The following C16orf78 variants were observed in gnomAD, a reference collection of about 807,000 sequenced individuals.
C16orf78 encodes the protein chromosome 16 open reading frame 78, also known as uncharacterized protein C16orf78.
Under a neutral mutation model 27.3 loss-of-function variants are expected in C16orf78, and 19 were observed. That is an observed-to-expected ratio of 0.70 (90% CI 0.49 to 1.02). The LOEUF is 1.02. Among genes scored for constraint, C16orf78 ranks in the 50% least tolerant of loss-of-function variants. C16orf78 has a pLI of 0.00. For synonymous variants in C16orf78, 130 were observed against 116.1 expected (o/e 1.12, Z -0.77); for missense variants, 339 against 337.0 (o/e 1.01, Z -0.05).
intron 1 of C16orf78, among the ~76,000 whole-genome samples, chr16:49,375,996 G>A (rs1215754396): frequency 2.0e-5 from 3 of 152,198 alleles, no homozygotes; most frequent in Admixed American, 6.5e-5. Context: ...GAGGGAGCAA[G>A]TTTACATGGG....
chr16:49,392,940 G>T (rs1303885649), intron 3 of C16orf78, among the ~76,000 whole-genome samples: 1 of 152,200 alleles, frequency 6.6e-6, no homozygotes, highest in Non-Finnish European at 1.5e-5. Flanking sequence ...CTGTCCTCAT[G>T]ATAGTGAATA....
chr16:49,380,998 GT>G (rs1319302752), intron 3 of C16orf78, among the ~76,000 whole-genome samples: 1 of 150,468 alleles, frequency 6.6e-6, no homozygotes, highest in Admixed American at 6.6e-5. Flanking sequence ...CTATATCTCT[GT>G]TTTGGTACCA....
In C16orf78 at chr16:49,390,340, C is replaced by T. The variant is rs185246704; in HGVS notation, c.395-6083C>T. Among the ~76,000 whole-genome samples, 104 of 152,312 alleles carry T rather than the reference C, an allele frequency of 6.8e-4. 2 individuals are homozygous for T. Among genetic ancestry groups the T allele is most frequent in the African/African-American group, 2.4e-3 (99 of 41,580 alleles). ...TTATTTCATTTCTCCATTCTCTCCCCTCTCTTTCAGGCACCCTGATTACAC... is the reference window on the plus strand; with the variant it reads ...TTATTTCATTTCTCCATTCTCTCCCTTCTCTTTCAGGCACCCTGATTACAC... On this transcript the variant is annotated intron_variant, in intron 3 of 4. Coordinates refer to ENST00000299191, the MANE Select transcript of C16orf78 (RefSeq NM_144602.4).
chr16:49,386,137 T>G (rs1055373114), intron 3 of C16orf78, among the ~76,000 whole-genome samples: 1 of 152,184 alleles, frequency 6.6e-6, no homozygotes, highest in Non-Finnish European at 1.5e-5. Context: ...AACAAGGGAT[T>G]GATTCATCAA....
chr16:49,384,843 G>A (rs1439495923), intron 3 of C16orf78, among the ~76,000 whole-genome samples: 1 of 152,178 alleles, frequency 6.6e-6, no homozygotes, highest in Non-Finnish European at 1.5e-5. Context: ...AAGACTATGA[G>A]TAGACTTCTC....
chr16:49,398,030 T>A (rs1965495354), intron 4 of C16orf78, among the ~76,000 whole-genome samples: 2 of 152,222 alleles, frequency 1.3e-5, no homozygotes, highest in African/African-American at 4.8e-5. Context: ...CCTCCCAAAG[T>A]GCTGGATTAC....
chr16:49,383,443 A>G (rs565187900), intron 3 of C16orf78, among the ~76,000 whole-genome samples: 11 of 152,330 alleles, frequency 7.2e-5, no homozygotes, highest in African/African-American at 2.6e-4. Context: ...CCCTCCCAGG[A>G]AATGGTCCTA....
chr16:49,380,848 T>C (rs565368276), intron 3 of C16orf78, among the ~76,000 whole-genome samples: 2 of 152,226 alleles, frequency 1.3e-5, no homozygotes, highest in South Asian at 2.1e-4. Context: ...GCTTTCTACA[T>C]ATGGCAAGCC....
At chr16:49,391,399 GT>G (rs1965411224) in intron 3 of C16orf78, among the ~76,000 whole-genome samples, 1 of 152,186 alleles carries the variant, frequency 6.6e-6, no homozygotes, top group African/African-American at 2.4e-5. Context: ...CGAGCACAGA[GT>G]GAGCTTCTGG....
At chr16:49,390,299 T>A (rs988895826) in intron 3 of C16orf78, among the ~76,000 whole-genome samples, 1 of 152,236 alleles carries the variant, frequency 6.6e-6, no homozygotes, top group Admixed American at 6.5e-5. Flanking sequence ...TTTTTGGACA[T>A]TATTTGTTCA....
intron 3 of C16orf78, among the ~76,000 whole-genome samples, chr16:49,394,723 T>G (rs1965450380): frequency 6.6e-6 from 1 of 152,058 alleles, no homozygotes; most frequent in Admixed American, 6.6e-5. Context: ...AATATATAAT[T>G]TTGATAAATA....
intron 3 of C16orf78, among the ~76,000 whole-genome samples, chr16:49,396,135 G>A (rs867389645): frequency 1.3e-4 from 20 of 152,106 alleles, no homozygotes; most frequent in African/African-American, 3.9e-4. Context: ...CCAGCTACTC[G>A]GGAGGGTGAA....
At chr16:49,389,512 C>T (rs1376395959) in intron 3 of C16orf78, among the ~76,000 whole-genome samples, 2 of 152,128 alleles carry the variant, frequency 1.3e-5, no homozygotes, top group African/African-American at 2.4e-5. Flanking sequence ...AGGAGAATCA[C>T]TTGGACCTGG....
At chr16:49,390,446 C>A (rs1965398876) in intron 3 of C16orf78, among the ~76,000 whole-genome samples, 1 of 152,146 alleles carries the variant, frequency 6.6e-6, no homozygotes, top group African/African-American at 2.4e-5. Flanking sequence ...CATATAGTTT[C>A]TTGTGGTATA....
intron 3 of C16orf78, among the ~76,000 whole-genome samples, chr16:49,388,722 C>T (rs1965378073): frequency 6.6e-6 from 1 of 152,098 alleles, no homozygotes; most frequent in Non-Finnish European, 1.5e-5. Flanking sequence ...ACATGTTATC[C>T]AGGCTGGTCT....
chr16:49,385,744 A>T (rs921528237), intron 3 of C16orf78, among the ~76,000 whole-genome samples: 1 of 152,018 alleles, frequency 6.6e-6, no homozygotes, highest in Non-Finnish European at 1.5e-5. Flanking sequence ...ATAAATAAAA[A>T]CATACCGCTC....
chr16:49,393,288 A>G (rs753736338), intron 3 of C16orf78, among the ~76,000 whole-genome samples: 1 of 152,244 alleles, frequency 6.6e-6, no homozygotes, highest in Non-Finnish European at 1.5e-5. Flanking sequence ...CAGGAAATAC[A>G]TAGAAGAATG....
At chr16:49,375,092 C>T (rs921266176) in intron 1 of C16orf78, among the ~76,000 whole-genome samples, 2 of 152,150 alleles carry the variant, frequency 1.3e-5, no homozygotes, top group Non-Finnish European at 2.9e-5. Context: ...ATTTTTACCC[C>T]TAGTTGAAGG....
intron 3 of C16orf78, among the ~76,000 whole-genome samples, chr16:49,385,787 AAG>A (rs1055026119): frequency 6.6e-6 from 1 of 152,186 alleles, no homozygotes; most frequent in Admixed American, 6.5e-5. Flanking sequence ...AGAAGACATC[AAG>A]AGAGAAAAAA....
Sources: allele counts gnomAD v4.1 joint callset (sites outside exome capture counted in the v4.1 genomes callset), GRCh38; gene constraint gnomAD v4.1.1; transcripts MANE v1.5; gene names NCBI Gene and HGNC (gene_info 2026-07-23, HGNC 2026-07-21).